RIMS1: variants seen among roughly 807,000 people sequenced by gnomAD.
RIMS1 encodes the protein regulating synaptic membrane exocytosis protein 1.
RIMS1 carries 83 observed loss-of-function variants against 214.1 expected under a neutral mutation model. The observed-to-expected ratio is 0.39, with a 90% CI of 0.32 to 0.47. The LOEUF (loss-of-function observed/expected upper bound fraction) is 0.47. Ranked by LOEUF, RIMS1 falls within the 20% of genes least tolerant of loss-of-function variation. The pLI, the probability that RIMS1 is intolerant of heterozygous loss-of-function variation, is 0.99. For missense variants in RIMS1, 2,050 were observed against 2,161.8 expected (o/e 0.95, Z 1.03); for synonymous variants, 793 against 786.8 (o/e 1.01, Z -0.13).
chr6:72,124,019 T>G (rs1417275627), intron 4 of RIMS1, among the ~76,000 whole-genome samples: 11 of 151,850 alleles, frequency 7.2e-5, no homozygotes, highest in Admixed American at 7.2e-4. Context: ...GTCATTATGA[T>G]GTTAGCTGGT....
chr6:71,899,528 C>T (rs1388598663), intron 1 of RIMS1, among the ~76,000 whole-genome samples: 1 of 151,932 alleles, frequency 6.6e-6, no homozygotes, highest in African/African-American at 2.4e-5. Context: ...TCTCATCTCA[C>T]CTGTGCCTCC....
At chr6:72,120,994 T>C (rs1205765776) in intron 4 of RIMS1, among the ~76,000 whole-genome samples, 2 of 151,890 alleles carry the variant, frequency 1.3e-5, no homozygotes, top group African/African-American at 4.8e-5. Context: ...AGGCCTCTGT[T>C]CTGTTCCATT....
chr6:71,907,410 A>T (rs555533638), intron 1 of RIMS1, among the ~76,000 whole-genome samples: 4 of 152,142 alleles, frequency 2.6e-5, no homozygotes, highest in Admixed American at 1.3e-4. Flanking sequence ...TTCACCCTTA[A>T]TCAATGGCAT....
chr6:72,147,985 C>A, intron 4 of RIMS1, among the ~76,000 whole-genome samples: 1 of 152,138 alleles, frequency 6.6e-6, no homozygotes, highest in East Asian at 1.9e-4. Flanking sequence ...CCCTATTGAC[C>A]CTGGAGTCCT....
chr6:71,901,640 G>A (rs1193137634), intron 1 of RIMS1, among the ~76,000 whole-genome samples: 2 of 152,044 alleles, frequency 1.3e-5, no homozygotes, highest in African/African-American at 4.8e-5. Context: ...TGGCTGGAAA[G>A]GGGTAGGAGG....
intron 4 of RIMS1, among the ~76,000 whole-genome samples, chr6:72,122,694 T>A (rs1033096051): frequency 6.6e-6 from 1 of 151,848 alleles, no homozygotes; most frequent in Non-Finnish European, 1.5e-5. Flanking sequence ...TTCTTCCTGG[T>A]TTAGCCTTCG....
chr6:72,119,340 C>CA (rs2037741775), intron 4 of RIMS1, among the ~76,000 whole-genome samples: 1 of 151,794 alleles, frequency 6.6e-6, no homozygotes, highest in Non-Finnish European at 1.5e-5. Context: ...AAACACATCC[C>CA]ATGCTCATGG....
chr6:72,097,124 GC>G lies in RIMS1; in HGVS notation c.422del (p.Ala141GlyfsTer32). On this transcript the variant is annotated frameshift_variant, in exon 3 of 34. Transcript: ENST00000521978. LOFTEE classifies it high-confidence loss of function. ...LCSYCRTKFCARCGGRVSLRS... is the reference protein window; with the variant it reads ...LCSYCRTKFCXRCGGRVSLRS... ...CTCCTATTGTCGCACTAAGTTCTGT[GC>G]GCGCTGCGGAGGCCGCGTGTCTCTA... 1 of 1,613,988 alleles carries G rather than the reference GC, an allele frequency of 6.2e-7. No individual in the cohort carries two copies. Among genetic ancestry groups the G allele is most frequent in the Non-Finnish European group, 8.5e-7 (1 of 1,179,878 alleles).
chr6:72,230,698 A>G (rs1356248913), intron 6 of RIMS1, among the ~76,000 whole-genome samples: 1 of 151,664 alleles, frequency 6.6e-6, no homozygotes, highest in Non-Finnish European at 1.5e-5. Context: ...GGTTCTCTTT[A>G]GAGAAAATGT....
chr6:72,146,722 A>G (rs2042806942), intron 4 of RIMS1, among the ~76,000 whole-genome samples: 1 of 152,194 alleles, frequency 6.6e-6, no homozygotes, highest in African/African-American at 2.4e-5. Flanking sequence ...CAATCCTTTA[A>G]CCCTCTAACC....
In RIMS1 at chr6:71,890,570, T is replaced by TAAAAAA. The variant is rs3076604; in HGVS notation, c.164+3405_164+3410dup. 4.0e-3 allele frequency among the ~76,000 whole-genome samples: 324 copies of TAAAAAA among 81,462 alleles called. 15 individuals are homozygous for TAAAAAA. The highest frequency in any genetic ancestry group is 8.9e-3 in the East Asian group (24 of 2,684). 53.4% of individuals were successfully genotyped at this position (81,462 alleles called of 152,430 possible). ...AGATCTAGGATCTTACTCCTTTTTGTAAAAAAAAAAAAAAAAAAAAAAAAA... is the reference window on the plus strand; with the variant it reads ...AGATCTAGGATCTTACTCCTTTTTGTAAAAAAAAAAAAAAAAAAAAAAAAAAAAAAA... On this transcript the variant is annotated intron_variant, in intron 1 of 33. Coordinates refer to ENST00000521978, the MANE Select transcript of RIMS1 (RefSeq NM_014989.7).
intron 6 of RIMS1, among the ~76,000 whole-genome samples, chr6:72,218,607 A>G (rs2057254116): frequency 6.6e-6 from 1 of 152,234 alleles, no homozygotes; most frequent in Non-Finnish European, 1.5e-5. Flanking sequence ...ATGTGCTTAC[A>G]GAGTGGCTAA....
chr6:72,294,306 A>G (rs1044016497), intron 26 of RIMS1, among the ~76,000 whole-genome samples: 1 of 151,734 alleles, frequency 6.6e-6, no homozygotes, highest in Non-Finnish European at 1.5e-5. Flanking sequence ...GAATTATGCC[A>G]TTTTATTATT....
chr6:72,049,710 A>G (rs1824081869), intron 2 of RIMS1, among the ~76,000 whole-genome samples: 1 of 152,202 alleles, frequency 6.6e-6, no homozygotes, highest in Non-Finnish European at 1.5e-5. Flanking sequence ...TTGGGGAAAA[A>G]TATTAAGGAT....
At chr6:72,343,515 T>TTTTTTTTTTGTG (rs2097165309) in intron 29 of RIMS1, among the ~76,000 whole-genome samples, 1 of 120,556 alleles carries the variant, frequency 8.3e-6, no homozygotes, top group African/African-American at 3.2e-5. Context: ...TTTTTTTTTT[T>TTTTTTTTTTGTG]TGTGTGTGTG....
intron 4 of RIMS1, among the ~76,000 whole-genome samples, chr6:72,113,052 G>A (rs2036418179): frequency 6.6e-6 from 1 of 152,054 alleles, no homozygotes; most frequent in African/African-American, 2.4e-5. Flanking sequence ...TGCTGTACCT[G>A]GTATGCTATA....
At position 71,886,831 on chromosome 6, in the gene RIMS1, A is replaced by T. The variant is rs542792049; in HGVS notation, c.-193A>T. The T allele has an allele frequency of 1.6e-6, 1 of 635,284 alleles. No homozygotes were observed. Among genetic ancestry groups the T allele is most frequent in the Non-Finnish European group, 2.7e-6 (1 of 367,820 alleles). 39.4% of individuals were successfully genotyped at this position (635,284 alleles called of 1,614,324 possible). The stretch of plus-strand genomic sequence containing the variant: ...AGCATCCGGGGCTGGGTGGATGCAA[A>T]CAACCATGAAAGACTGGGTTCTCGC... On this transcript the variant is annotated 5_prime_UTR_variant, in exon 1 of 34. Transcript: ENST00000521978.
chr6:72,236,904 A>C (rs2064347009), intron 8 of RIMS1, among the ~76,000 whole-genome samples: 1 of 152,168 alleles, frequency 6.6e-6, no homozygotes, highest in Non-Finnish European at 1.5e-5. Flanking sequence ...CTTGCTTTTA[A>C]GAAATCACTA....
intron 29 of RIMS1, among the ~76,000 whole-genome samples, chr6:72,388,739 G>T (rs1217573563): frequency 6.6e-6 from 1 of 152,172 alleles, no homozygotes; most frequent in Non-Finnish European, 1.5e-5. Flanking sequence ...TGGGTGTGGG[G>T]TGTGTTAGAG....
Sources: allele counts gnomAD v4.1 joint callset (sites outside exome capture counted in the v4.1 genomes callset), GRCh38; gene constraint gnomAD v4.1.1; transcripts MANE v1.5; gene names NCBI Gene and HGNC (gene_info 2026-07-23, HGNC 2026-07-21).